PARP15: variants seen among roughly 807,000 people sequenced by gnomAD.
The protein encoded by PARP15 is protein mono-ADP-ribosyltransferase PARP15.
A neutral mutation model predicts 62.1 loss-of-function variants in PARP15; 50 were observed. The ratio of observed to expected loss-of-function variants is 0.81; its 90% confidence interval spans 0.64 to 1.02. The LOEUF (loss-of-function observed/expected upper bound fraction) is 1.02, where lower values mean the gene tolerates loss of function less well. Among genes scored for constraint, PARP15 ranks in the 50% least tolerant of loss-of-function variants. The pLI is 0.00. For synonymous variants in PARP15, 309 were observed against 293.1 expected (o/e 1.05, Z -0.55); for missense variants, 820 against 826.5 (o/e 0.99, Z 0.10).
intron 1 of PARP15, among the ~76,000 whole-genome samples, chr3:122,587,945 T>A (rs1380716108): frequency 6.6e-6 from 1 of 152,200 alleles, no homozygotes; most frequent in East Asian, 1.9e-4. Context: ...CATTTTAAAA[T>A]TTGGTGTTTT....
intron 8 of PARP15, among the ~76,000 whole-genome samples, chr3:122,626,048 T>C (rs1192908290): frequency 2.0e-5 from 3 of 152,130 alleles, no homozygotes; most frequent in Non-Finnish European, 4.4e-5. Context: ...TTTTAGGTGA[T>C]TTTGTGGCAG....
At chr3:122,596,690 C>T (rs1235055143) in intron 1 of PARP15, among the ~76,000 whole-genome samples, 2 of 152,172 alleles carry the variant, frequency 1.3e-5, no homozygotes, top group African/African-American at 4.8e-5. Context: ...TTACCATGCA[C>T]AAAATAGCTT....
At position 122,605,921 on chromosome 3, in the gene PARP15, C is replaced by G. The variant is rs958043762; in HGVS notation, c.187-15C>G. 1 of 1,549,962 alleles carries G rather than the reference C, an allele frequency of 6.5e-7. No homozygotes were observed. Among genetic ancestry groups the G allele is most frequent in the African/African-American group, 1.4e-5 (1 of 73,002 alleles). On this transcript the variant is annotated splice_polypyrimidine_tract_variant and intron_variant, in intron 1 of 11. Coordinates refer to ENST00000464300, the MANE Select transcript of PARP15 (RefSeq NM_001113523.3). ...AATTGGCATTGCTGGTAATGCTTTACTGTTTTCTCCACAGTCCAGAGACAA... is the reference window on the plus strand; with the variant it reads ...AATTGGCATTGCTGGTAATGCTTTAGTGTTTTCTCCACAGTCCAGAGACAA...
At chr3:122,635,283 C>A (rs1937291656) in intron 11 of PARP15, 89 bp downstream of exon 11, 3 of 1,213,468 alleles carry the variant, frequency 2.5e-6, no homozygotes, top group Non-Finnish European at 3.4e-6. Flanking sequence ...CCATGGTGGG[C>A]AGCTGTATTA....
At chr3:122,600,018 A>C (rs1244048404) in intron 1 of PARP15, among the ~76,000 whole-genome samples, 1 of 152,254 alleles carries the variant, frequency 6.6e-6, no homozygotes, top group Non-Finnish European at 1.5e-5. Context: ...ACAAATGGGA[A>C]ACACAAGTTA....
chr3:122,610,094 G>T (rs1219867664), intron 2 of PARP15, among the ~76,000 whole-genome samples: 1 of 152,108 alleles, frequency 6.6e-6, no homozygotes, highest in Non-Finnish European at 1.5e-5. Context: ...CCCTTCCCCT[G>T]TCTCTCTGTC....
chr3:122,630,941 A>G (rs1483983039), intron 9 of PARP15, among the ~76,000 whole-genome samples: 1 of 152,168 alleles, frequency 6.6e-6, no homozygotes, highest in Non-Finnish European at 1.5e-5. Context: ...TATGTGTTCA[A>G]TGTCATATGG....
chr3:122,626,985 G>T lies in PARP15; in HGVS notation c.1390G>T (p.Asp464Tyr), dbSNP rs755267014. The T allele has an allele frequency of 2.5e-6, 4 of 1,613,936 alleles. 1 individual carries two copies. In the South Asian group the frequency reaches 4.4e-5, roughly 18 times the overall value. The stretch of plus-strand genomic sequence containing the variant: ...ATTCTACGACAGCATGAAAAAAAGA[G>T]ACCTCTCTGCATCACTGAACTTTCA... ...NIFYDSMKKR[D>Y]LSASLNFQST... Residue 464 changes from aspartate (D) to tyrosine (Y), a missense_variant, in exon 9 of 12, where the codon GAC becomes TAC. By Grantham distance (160) the Asp-to-Tyr change is radical (BLOSUM62 -3). Around this residue, in one of 3 missense-constraint regions of PARP15, gnomAD observed 731 missense variants for 727.7 expected, o/e 1.00. Coordinates refer to ENST00000464300, the MANE Select transcript of PARP15 (RefSeq NM_001113523.3).
At chr3:122,601,412 C>T (rs747004561) in intron 1 of PARP15, among the ~76,000 whole-genome samples, 3 of 152,164 alleles carry the variant, frequency 2.0e-5, no homozygotes, top group Non-Finnish European at 4.4e-5. Flanking sequence ...TGTGCTCCAC[C>T]TATTCATCCC....
At chr3:122,604,027 T>G (rs1298064981) in intron 1 of PARP15, among the ~76,000 whole-genome samples, 2 of 152,208 alleles carry the variant, frequency 1.3e-5, no homozygotes, top group Non-Finnish European at 2.9e-5. Flanking sequence ...TGATATGGAT[T>G]AGTAATGTCT....
At chr3:122,606,820 T>C (rs1009053139) in intron 2 of PARP15, among the ~76,000 whole-genome samples, 11 of 152,194 alleles carry the variant, frequency 7.2e-5, no homozygotes, top group Admixed American at 1.3e-4. Flanking sequence ...TAGAATTCTA[T>C]AGCCCCACCA....
At position 122,613,301 on chromosome 3, in the gene PARP15, G is replaced by A. The variant is rs749698209; in HGVS notation, c.771+33G>A. 6.1e-6 allele frequency: 9 copies of A among 1,482,254 alleles called. No homozygotes were observed. The African/African-American group carries it at 1.3e-4, about 21-fold the overall frequency. The allele number at this position is 1,482,254 out of a possible 1,614,324, so 91.8% of individuals were successfully genotyped here. A position where few individuals can be genotyped will look rare whatever the true frequency, so the allele number is the denominator to read the frequency against. On this transcript the variant is annotated intron_variant, in intron 4 of 11. Transcript: ENST00000464300. ...TACATATCCCATCTGGTTAATTCTG[G>A]CAAGTGAACCCAAGCGCATTCAGAT...
chr3:122,625,151 G>A (rs781565252), intron 8 of PARP15, among the ~76,000 whole-genome samples: 3 of 152,066 alleles, frequency 2.0e-5, no homozygotes, highest in Non-Finnish European at 4.4e-5. Context: ...GGTGTTATAG[G>A]TTGAGTGTGT....
chr3:122,598,395 G>A (rs1934521140), intron 1 of PARP15, among the ~76,000 whole-genome samples: 1 of 152,104 alleles, frequency 6.6e-6, no homozygotes, highest in East Asian at 1.9e-4. Flanking sequence ...TGTTGGTTGG[G>A]GCTGCAGTCA....
chr3:122,623,958 C>G (rs866736325), intron 8 of PARP15, among the ~76,000 whole-genome samples: 4 of 152,204 alleles, frequency 2.6e-5, no homozygotes, highest in African/African-American at 9.6e-5. Flanking sequence ...TCGAGACCAG[C>G]CTGGCCAACA....
intron 6 of PARP15, among the ~76,000 whole-genome samples, chr3:122,617,598 A>C (rs751696215): frequency 6.6e-6 from 1 of 152,136 alleles, no homozygotes; most frequent in Non-Finnish European, 1.5e-5. Flanking sequence ...TCTGCATTAC[A>C]CTGACCGAGA....
Position 122,599,767 on chromosome 3 carries a change from G to T in PARP15, c.187-6169G>T, listed in dbSNP as rs562655669. Among the ~76,000 whole-genome samples, 8 of 152,238 alleles carry T rather than the reference G, an allele frequency of 5.3e-5. No individual in the cohort carries two copies. The East Asian group carries it at 1.5e-3, about 29-fold the overall frequency. On this transcript the variant is annotated intron_variant, in intron 1 of 11. Coordinates refer to ENST00000464300, the MANE Select transcript of PARP15 (RefSeq NM_001113523.3). ...TTTTCAATGTTTTCATAGAGATGGGGTTTTGCTATGTTGGCCGGGCTTGTC... is the reference window on the plus strand; with the variant it reads ...TTTTCAATGTTTTCATAGAGATGGGTTTTTGCTATGTTGGCCGGGCTTGTC...
At chr3:122,619,749 G>C (rs1207821552) in intron 6 of PARP15, 32 bp from the exon 7 acceptor site, 1 of 1,536,886 alleles carries the variant, frequency 6.5e-7, no homozygotes, top group Non-Finnish European at 9.0e-7. Flanking sequence ...AATTCTAACT[G>C]ATGCCTTTTA....
At chr3:122,605,872 C>A in intron 1 of PARP15, 64 bp from the exon 2 acceptor site, 1 of 1,518,756 alleles carries the variant, frequency 6.6e-7, no homozygotes, top group South Asian at 1.3e-5. Context: ...TGAGCCACCG[C>A]ACCTGGCCTA....
Sources: gnomAD v4.1 joint callset for allele counts (sites outside exome capture counted in the v4.1 genomes callset) on GRCh38, gnomAD v4.1.1 for gene constraint, gnomAD v4.1.1 regional missense constraint, MANE v1.5 for transcripts, NCBI Gene and HGNC (gene_info 2026-07-23, HGNC 2026-07-21) for gene names.